NUBPL: variants seen among roughly 807,000 people sequenced by gnomAD.
NUBPL encodes the protein iron-sulfur cluster transfer protein NUBPL.
In NUBPL, 31 loss-of-function variants were observed where a neutral mutation model predicts 45.7. That is an observed-to-expected ratio of 0.68 (90% CI 0.51 to 0.92). The LOEUF (loss-of-function observed/expected upper bound fraction) is 0.92. Among genes scored for constraint, NUBPL ranks in the 40% least tolerant of loss-of-function variants. The pLI is 0.00. For synonymous variants in NUBPL, 144 were observed against 140.9 expected (o/e 1.02, Z -0.15); for missense variants, 401 against 398.7 (o/e 1.01, Z -0.05).
chr14:31,826,968 G>T (rs433939), intron 8 of NUBPL, among the ~76,000 whole-genome samples: 1 of 152,090 alleles, frequency 6.6e-6, no homozygotes, highest in East Asian at 1.9e-4. Context: ...TCTCATACTT[G>T]CAGCTATCAC....
intron 6 of NUBPL, chr14:31,771,845 C>T (rs1196688368): frequency 2.0e-6 from 2 of 985,274 alleles, no homozygotes; most frequent in African/African-American, 3.5e-5. Context: ...CCCTAAGGCT[C>T]AAAATTAGGA....
chr14:31,798,731 G>A (rs1343440611), intron 7 of NUBPL, among the ~76,000 whole-genome samples: 1 of 129,830 alleles, frequency 7.7e-6, no homozygotes, highest in African/African-American at 2.9e-5. Flanking sequence ...GGCGGAGCTT[G>A]CAGTGAGCGG....
chr14:31,743,599 C>T (rs2038332204), intron 6 of NUBPL, among the ~76,000 whole-genome samples: 1 of 152,070 alleles, frequency 6.6e-6, no homozygotes, highest in South Asian at 2.1e-4. Flanking sequence ...AGGCTGGTCT[C>T]GAACTCCTGA....
intron 6 of NUBPL, among the ~76,000 whole-genome samples, chr14:31,786,764 T>C (rs1379915965): frequency 1.3e-5 from 2 of 152,184 alleles, no homozygotes; most frequent in Non-Finnish European, 2.9e-5. Flanking sequence ...AGCTGGGATC[T>C]GAAGAATGAG....
intron 8 of NUBPL, chr14:31,846,026 C>T (rs991083783): frequency 3.1e-5 from 7 of 227,522 alleles, no homozygotes; most frequent in Middle Eastern, 3.5e-3. Flanking sequence ...TGGCCCTAGC[C>T]TTCCTTCCCA....
rs183494749 is a variant in NUBPL at position 31,612,717 on chromosome 14, A to G, written c.382+13338A>G. On this transcript the variant is annotated intron_variant, in intron 4 of 10. Coordinates refer to ENST00000281081, the MANE Select transcript of NUBPL (RefSeq NM_025152.3). Reference sequence around the variant, plus strand: ...AAAAAGGTGCTCAACATTACTGATCATCAGAGAAATGCAAATCAAAACTCC... The same window carrying G: ...AAAAAGGTGCTCAACATTACTGATCGTCAGAGAAATGCAAATCAAAACTCC... 2.2e-3 allele frequency among the ~76,000 whole-genome samples: 331 copies of G among 152,292 alleles called. 1 individual carries two copies. Among genetic ancestry groups the G allele is most frequent in the African/African-American group, 7.6e-3 (314 of 41,584 alleles).
At position 31,639,901 on chromosome 14, in the gene NUBPL, A is replaced by G. The variant is rs112163790; in HGVS notation, c.383-33454A>G. ...ATGGGATTATATCCAGGTGCGGGAT[A>G]TAATCTCCTGATGCGCCGTTTTTTA... is the stretch of plus-strand genomic sequence containing the variant. On this transcript the variant is annotated intron_variant, in intron 4 of 10. Transcript: ENST00000281081. Among the ~76,000 whole-genome samples, 380 of 152,286 alleles carry G rather than the reference A, an allele frequency of 2.5e-3. 1 individual carries two copies. The highest frequency in any genetic ancestry group is 8.6e-3 in the Admixed American group (131 of 15,306).
chr14:31,621,476 T>C (rs1368575011), intron 4 of NUBPL, among the ~76,000 whole-genome samples: 1 of 152,162 alleles, frequency 6.6e-6, no homozygotes, highest in Admixed American at 6.5e-5. Flanking sequence ...AAATGTGCAG[T>C]ATTTGGGCTG....
At chr14:31,804,362 A>ATTTTTC (rs138661384) in intron 7 of NUBPL, among the ~76,000 whole-genome samples, 18,862 of 152,042 alleles carry the variant, frequency 0.12, 3,161 homozygotes, top group African/African-American at 0.39. Flanking sequence ...TAGCTTGAGA[A>ATTTTTC]TTAATAACTT....
chr14:31,688,592 G>GA (rs544662104), intron 6 of NUBPL, among the ~76,000 whole-genome samples: 17,088 of 75,730 alleles, frequency 0.23, 3,500 homozygotes, highest in African/African-American at 0.56. Context: ...AGAAAAAAAA[G>GA]AAAAAAAAAA....
intron 6 of NUBPL, among the ~76,000 whole-genome samples, chr14:31,749,104 G>C (rs1414599881): frequency 6.6e-6 from 1 of 152,060 alleles, no homozygotes; most frequent in African/African-American, 2.4e-5. Context: ...CTTTAATTTG[G>C]GAATTTAATA....
At chr14:31,718,794 TA>T (rs935197337) in intron 6 of NUBPL, among the ~76,000 whole-genome samples, 1 of 152,190 alleles carries the variant, frequency 6.6e-6, no homozygotes, top group African/African-American at 2.4e-5. Flanking sequence ...CATGTACATA[TA>T]AAAAAGATTA....
intron 6 of NUBPL, among the ~76,000 whole-genome samples, chr14:31,744,796 A>G (rs11847815): frequency 0.16 from 24,143 of 151,326 alleles, 5,505 homozygotes; most frequent in African/African-American, 0.51. Context: ...TAATTTTTGT[A>G]TTTTTAGTAG....
chr14:31,848,352 A>G (rs1174962883), intron 9 of NUBPL, among the ~76,000 whole-genome samples: 3 of 152,134 alleles, frequency 2.0e-5, no homozygotes, highest in Non-Finnish European at 4.4e-5. Flanking sequence ...ATCAGGGAAA[A>G]AGCTTTCACA....
rs1005944722 is a variant in NUBPL, at chr14:31,770,366, G to A, written c.514-17414G>A. 6.6e-5 allele frequency among the ~76,000 whole-genome samples: 10 copies of A among 152,124 alleles called. No homozygotes were observed. In the East Asian group the frequency reaches 9.6e-4, roughly 15 times the overall value. On this transcript the variant is annotated intron_variant, in intron 6 of 10. Coordinates refer to ENST00000281081, the MANE Select transcript of NUBPL (RefSeq NM_025152.3). ...TAGTTGGGGATGCAATCACTGGGGC[G>A]TGGAAAATGGTCCTTGTGTGCTGAG...
At chr14:31,786,196 A>G (rs1279814276) in intron 6 of NUBPL, among the ~76,000 whole-genome samples, 1 of 152,162 alleles carries the variant, frequency 6.6e-6, no homozygotes, top group Non-Finnish European at 1.5e-5. Flanking sequence ...AAGCATGATT[A>G]TATGGAAAGG....
At chr14:31,845,382 C>G (rs929481837) in intron 8 of NUBPL, 7 of 152,196 alleles carry the variant, frequency 4.6e-5, no homozygotes, top group African/African-American at 1.2e-4. Context: ...ACCATCTCGG[C>G]TGGGCACGGT....
chr14:31,565,922 AT>A (rs1356554394), intron 3 of NUBPL, among the ~76,000 whole-genome samples: 6 of 152,070 alleles, frequency 3.9e-5, no homozygotes, highest in Non-Finnish European at 8.8e-5. Context: ...TAGTCTCATT[AT>A]TGTTGGATGT....
chr14:31,605,307 T>A (rs1474581172), intron 4 of NUBPL, among the ~76,000 whole-genome samples: 1 of 152,250 alleles, frequency 6.6e-6, no homozygotes. Context: ...TTCATAGTTT[T>A]GTGATGAAAA....
Sources: gnomAD v4.1 joint callset for allele counts (sites outside exome capture counted in the v4.1 genomes callset) on GRCh38, gnomAD v4.1.1 for gene constraint, MANE v1.5 for transcripts, NCBI Gene and HGNC (gene_info 2026-07-23, HGNC 2026-07-21) for gene names.